UPF2: variants seen among roughly 807,000 people sequenced by gnomAD.
The protein encoded by UPF2 is UPF2 regulator of nonsense mediated mRNA decay.
Under a neutral mutation model 141.4 loss-of-function variants are expected in UPF2, and 17 were observed. The ratio of observed to expected loss-of-function variants is 0.12; its 90% CI spans 0.08 to 0.18. UPF2 has a LOEUF of 0.18. UPF2 is among the 10% of genes least tolerant of loss of function. The probability of loss-of-function intolerance (pLI) is 1.00; values close to 1 mark genes in which losing one functional copy is unlikely to be tolerated. For synonymous variants in UPF2, 540 were observed against 498.0 expected (o/e 1.08, Z -1.12); for missense variants, 1,152 against 1,515.9 (o/e 0.76, Z 3.99).
intron 5 of UPF2, among the ~76,000 whole-genome samples, chr10:12,002,377 G>C (rs999341076): frequency 6.6e-6 from 1 of 152,198 alleles, no homozygotes; most frequent in African/African-American, 2.4e-5. Context: ...GATGGAGAGA[G>C]ATTGTGTGGA....
chr10:11,932,313 C>T (rs1409918491), intron 19 of UPF2, among the ~76,000 whole-genome samples: 1 of 151,916 alleles, frequency 6.6e-6, no homozygotes, highest in African/African-American at 2.4e-5. Flanking sequence ...TCATAATCTA[C>T]TAATAAGCCT....
intron 4 of UPF2, among the ~76,000 whole-genome samples, chr10:12,009,327 A>G (rs1404761773): frequency 6.6e-6 from 1 of 152,216 alleles, no homozygotes. Flanking sequence ...TAAATTACAG[A>G]ACAACCATAC....
chr10:11,970,046 G>A (rs1315909372), intron 9 of UPF2, among the ~76,000 whole-genome samples: 4 of 152,200 alleles, frequency 2.6e-5, no homozygotes, highest in Non-Finnish European at 4.4e-5. Context: ...ACGTGAAAGA[G>A]CAAAAGTTCT....
chr10:11,928,491 C>T (rs1449380811), intron 21 of UPF2, among the ~76,000 whole-genome samples: 2 of 151,182 alleles, frequency 1.3e-5, no homozygotes, highest in Admixed American at 6.6e-5. Flanking sequence ...GGGCGGATCA[C>T]GAGGTCAGGA....
intron 9 of UPF2, among the ~76,000 whole-genome samples, chr10:11,974,918 G>T (rs1207223596): frequency 6.6e-6 from 1 of 152,032 alleles, no homozygotes; most frequent in Non-Finnish European, 1.5e-5. Context: ...ATTTGTTTTT[G>T]TATGGTTTAT....
In UPF2 at chr10:11,921,286, C is replaced by T. The variant is rs368512708; in HGVS notation, c.*12G>A. ...AGATACAGGACCTAATGAAATGACACGTGCTGCTGGATCAACGTCTCCTAA... is the reference window on the plus strand; with the variant it reads ...AGATACAGGACCTAATGAAATGACATGTGCTGCTGGATCAACGTCTCCTAA... On this transcript the variant is annotated 3_prime_UTR_variant, in exon 22 of 22. Transcript: ENST00000357604. This position sits in a 1 kb window ranked among gnomAD's most constrained non-coding sequence, Gnocchi z 5.9. 56 of 1,614,026 alleles carry T rather than the reference C, an allele frequency of 3.5e-5. No homozygotes were observed. Among genetic ancestry groups the T allele is most frequent in the Admixed American group, 8.3e-5 (5 of 59,990 alleles).
intron 10 of UPF2, among the ~76,000 whole-genome samples, chr10:11,965,705 C>A (rs980608166): frequency 6.6e-6 from 1 of 152,020 alleles, no homozygotes; most frequent in Non-Finnish European, 1.5e-5. Context: ...ATGATCTGCC[C>A]GCCTCGGCCT....
intron 9 of UPF2, among the ~76,000 whole-genome samples, chr10:11,969,027 A>C (rs1833368864): frequency 6.6e-6 from 1 of 151,708 alleles, no homozygotes; most frequent in Non-Finnish European, 1.5e-5. Flanking sequence ...TGCCCGGCTA[A>C]ATTTTTGTAT....
chr10:11,925,338 A>T (rs1035158985), intron 21 of UPF2, among the ~76,000 whole-genome samples: 1 of 152,218 alleles, frequency 6.6e-6, no homozygotes, highest in Non-Finnish European at 1.5e-5. Context: ...AAAGATCTTA[A>T]AACAGGTTGA....
intron 4 of UPF2, among the ~76,000 whole-genome samples, chr10:12,006,169 C>A (rs1834032303): frequency 6.6e-6 from 1 of 152,224 alleles, no homozygotes; most frequent in East Asian, 1.9e-4. Context: ...CATGCGTGAC[C>A]ACGCTCAGCC....
chr10:11,925,747 C>G (rs1045406864), intron 21 of UPF2, among the ~76,000 whole-genome samples: 1 of 152,138 alleles, frequency 6.6e-6, no homozygotes, highest in Non-Finnish European at 1.5e-5. Context: ...GGAGACTGTT[C>G]CACACAGAGG....
At chr10:12,017,742 A>G (rs1477666220) in intron 3 of UPF2, among the ~76,000 whole-genome samples, 1 of 151,968 alleles carries the variant, frequency 6.6e-6, no homozygotes, top group East Asian at 1.9e-4. Context: ...TTTTACTCCC[A>G]TTTTTTTATT....
intron 16 of UPF2, among the ~76,000 whole-genome samples, chr10:11,947,500 A>AGTGG (rs1833015649): frequency 6.6e-6 from 1 of 152,184 alleles, no homozygotes; most frequent in African/African-American, 2.4e-5. Flanking sequence ...ATACACAAGA[A>AGTGG]GTGGGGTGCA....
chr10:11,934,830 C>T (rs1347775354), intron 19 of UPF2, among the ~76,000 whole-genome samples: 5 of 152,108 alleles, frequency 3.3e-5, no homozygotes, highest in Admixed American at 1.3e-4. Flanking sequence ...CCTTGTGATC[C>T]GCCCGCCTTG....
rs373221975 is a variant in UPF2, at chr10:12,013,998, T to C, written c.1306+26A>G. On this transcript the variant is annotated intron_variant, in intron 4 of 21. Coordinates refer to ENST00000357604, the MANE Select transcript of UPF2 (RefSeq NM_015542.4). ...GTGACAGTGCTTACAGAAAACACAA[T>C]GTTTGTTTTTAAGGATATCTCTTAC... 5 of 1,490,284 alleles carry C rather than the reference T, an allele frequency of 3.4e-6. No individual in the cohort carries two copies. The African/African-American group carries it at 5.6e-5, about 17-fold the overall frequency. 92.3% of individuals were successfully genotyped at this position (1,490,284 alleles called of 1,614,324 possible).
At chr10:12,000,948 A>C (rs937654181) in intron 6 of UPF2, among the ~76,000 whole-genome samples, 16 of 152,258 alleles carry the variant, frequency 1.1e-4, no homozygotes, top group African/African-American at 3.9e-4. Context: ...TGAACTGATA[A>C]GCTAGTCATA....
At chr10:11,964,808 G>C (rs942455154) in intron 10 of UPF2, among the ~76,000 whole-genome samples, 1 of 152,094 alleles carries the variant, frequency 6.6e-6, no homozygotes, top group African/African-American at 2.4e-5. Flanking sequence ...AAATGCCTGG[G>C]ACCAGAAATG....
At chr10:12,010,745 G>A (rs531494716) in intron 4 of UPF2, among the ~76,000 whole-genome samples, 4 of 152,048 alleles carry the variant, frequency 2.6e-5, no homozygotes, top group Admixed American at 6.6e-5. Context: ...CAAGGAACCC[G>A]AAGTACAAGA....
intron 1 of UPF2, among the ~76,000 whole-genome samples, chr10:12,039,134 C>G (rs1172332506): frequency 2.6e-5 from 4 of 152,142 alleles, no homozygotes; most frequent in Non-Finnish European, 4.4e-5. Context: ...CGTATATTAT[C>G]TCATTTAATA....
Sources: gnomAD v4.1 joint callset for allele counts (sites outside exome capture counted in the v4.1 genomes callset) on GRCh38, gnomAD v4.1.1 for gene constraint, Gnocchi (gnomAD v3.1) non-coding constraint, MANE v1.5 for transcripts, NCBI Gene and HGNC (gene_info 2026-07-23, HGNC 2026-07-21) for gene names.